Variants in WNT3A observed in about 807,000 individuals in gnomAD.
WNT3A encodes the protein protein Wnt-3a.
In WNT3A, 17 loss-of-function variants were observed where a neutral mutation model predicts 37.0. That is an observed-to-expected ratio of 0.46 (90% CI 0.31 to 0.69). The LOEUF is 0.69. Among genes scored for constraint, WNT3A ranks in the 30% least tolerant of loss-of-function variants. The pLI, the probability that WNT3A is intolerant of heterozygous loss-of-function variation, is 0.05. For missense variants in WNT3A, 411 were observed against 510.2 expected, an observed-to-expected ratio of 0.81 and a Z score of 1.87; for synonymous variants, 187 against 211.0, an observed-to-expected ratio of 0.89 and a Z score of 0.99.
chr1:228,033,248 C>T (rs1401286882), intron 2 of WNT3A, among the ~76,000 whole-genome samples: 2 of 151,952 alleles, frequency 1.3e-5, no homozygotes, highest in Admixed American at 1.3e-4. Context: ...GAGACAATTG[C>T]CTAACCCAAG....
In WNT3A at chr1:228,008,708, C is replaced by T. The variant is rs1473767625; in HGVS notation, c.71+1509C>T. ...CCCCGAGGGCTGCCGGCTTACGCAC[C>T]AGGCTTCTAATTAGAACCCGCCGCC... On this transcript the variant is annotated intron_variant, in intron 1 of 3. Transcript: ENST00000284523. The surrounding 1 kb of genome is among the most constrained non-coding windows in gnomAD (Gnocchi z 4.9). Among the ~76,000 whole-genome samples the T allele has an allele frequency of 6.6e-6, 1 of 152,176 alleles. No individual in the cohort carries two copies. The highest frequency in any genetic ancestry group is 2.4e-5 in the African/African-American group (1 of 41,442).
At chr1:228,010,345 C>T (rs708115) in intron 1 of WNT3A, among the ~76,000 whole-genome samples, 73,878 of 152,092 alleles carry the variant, frequency 0.49, 18,485 homozygotes, top group Middle Eastern at 0.62. Flanking sequence ...CCACCGCCTC[C>T]CCAGGGTCCA....
rs756735683 is a variant in WNT3A at position 228,007,238 on chromosome 1, G to A, written c.71+39G>A. ...CTCGCGTTCGCCCCTGCCCCTGTGCGCCGCGCCCGCAGCAGACGGTCCCCT... is the reference window on the plus strand; with the variant it reads ...CTCGCGTTCGCCCCTGCCCCTGTGCACCGCGCCCGCAGCAGACGGTCCCCT... On this transcript the variant is annotated intron_variant, in intron 1 of 3. Transcript: ENST00000284523. This position sits in a 1 kb window ranked among gnomAD's most constrained non-coding sequence, Gnocchi z 6.0. The A allele has an allele frequency of 3.8e-6, 6 of 1,572,836 alleles. No homozygotes were observed. The Admixed American group carries it at 7.0e-5, about 18-fold the overall frequency.
intron 1 of WNT3A, among the ~76,000 whole-genome samples, chr1:228,012,804 G>A (rs2030413155): frequency 6.6e-6 from 1 of 152,154 alleles, no homozygotes; most frequent in Non-Finnish European, 1.5e-5. Flanking sequence ...ATGAGAGCCT[G>A]TGCCCCAAGT....
intron 2 of WNT3A, among the ~76,000 whole-genome samples, chr1:228,025,960 T>A (rs555897297): frequency 4.4e-4 from 66 of 151,562 alleles, no homozygotes; most frequent in African/African-American, 1.5e-3. Context: ...GGTCTCCCTA[T>A]GTTGCCCAGG....
At position 228,037,830 on chromosome 1, in the gene WNT3A, G is replaced by T. The variant is rs1198792303; in HGVS notation, c.314-12826G>T. ...CACAAGGGGAGAGTGCAAATGCGCG[G>T]GCGGTTCACACGCCCTTCGCGGTGC... On this transcript the variant is annotated intron_variant, in intron 2 of 3. Coordinates refer to ENST00000284523, the MANE Select transcript of WNT3A (RefSeq NM_033131.4). This position sits in a 1 kb window ranked among gnomAD's most constrained non-coding sequence, Gnocchi z 4.1. Among the ~76,000 whole-genome samples the T allele has an allele frequency of 6.6e-6, 1 of 152,230 alleles. No individual in the cohort carries two copies. The highest frequency in any genetic ancestry group is 1.5e-5 in the Non-Finnish European group (1 of 68,032).
At position 228,008,849 on chromosome 1, in the gene WNT3A, A is replaced by C. The variant is rs77283634; in HGVS notation, c.71+1650A>C. ...TGTCTTGTCGGCCCTGAGGGTTCCT[A>C]GCCTCGGTCCCCATCCACCTCATAT... is the stretch of plus-strand genomic sequence containing the variant. On this transcript the variant is annotated intron_variant, in intron 1 of 3. Coordinates refer to ENST00000284523, the MANE Select transcript of WNT3A (RefSeq NM_033131.4). This position sits in a 1 kb window ranked among gnomAD's most constrained non-coding sequence, Gnocchi z 4.9. Among the ~76,000 whole-genome samples, 517 of 152,230 alleles carry C rather than the reference A, an allele frequency of 3.4e-3. 10 individuals carry two copies. Among genetic ancestry groups the C allele is most frequent in the East Asian group, 0.028 (145 of 5,160 alleles).
intron 3 of WNT3A, among the ~76,000 whole-genome samples, chr1:228,054,219 T>G (rs2031619242): frequency 6.6e-6 from 1 of 152,158 alleles, no homozygotes; most frequent in East Asian, 1.9e-4. Context: ...ATTAAGGTAA[T>G]CCCAAATTGC....
At chr1:228,034,017 T>A (rs191211256) in intron 2 of WNT3A, among the ~76,000 whole-genome samples, 1 of 152,280 alleles carries the variant, frequency 6.6e-6, no homozygotes, top group Non-Finnish European at 1.5e-5. Context: ...ATCCCAGCAC[T>A]TTGGGAGGCC....
intron 3 of WNT3A, among the ~76,000 whole-genome samples, chr1:228,055,175 AAAAAATATATAT>A (rs1487627744): frequency 1.7e-5 from 1 of 59,216 alleles, no homozygotes; most frequent in Non-Finnish European, 3.0e-5. Flanking sequence ...AAAAAAAAAA[AAAAAATATATAT>A]ATATATATAT....
In WNT3A at chr1:228,059,054, A is replaced by C; in HGVS notation, c.648A>C (p.Thr216=). 6 of 1,613,608 alleles carry C rather than the reference A, an allele frequency of 3.7e-6. No individual in the cohort carries two copies. The highest frequency in any genetic ancestry group is 5.1e-6 in the Non-Finnish European group (6 of 1,179,956). Residue 216 remains threonine (T), a synonymous_variant, in exon 4 of 4, where the codon ACA becomes ACC. Transcript: ENST00000284523. Reference sequence around the variant, plus strand: ...TGTCGGGCAGCTGCGAGGTGAAGACATGCTGGTGGTCGCAACCCGACTTCC... The same window carrying C: ...TGTCGGGCAGCTGCGAGGTGAAGACCTGCTGGTGGTCGCAACCCGACTTCC... ...HGLSGSCEVK[T]CWWSQPDFRA... is the part of the protein sequence containing the mutation.
intron 3 of WNT3A, among the ~76,000 whole-genome samples, chr1:228,054,627 CAAAAAA>C (rs61497242): frequency 1.7e-5 from 1 of 58,522 alleles, no homozygotes; most frequent in Non-Finnish European, 3.4e-5. Flanking sequence ...GACTCTGTCT[CAAAAAA>C]AAAAAAAAAA....
rs1369176732 is a variant in WNT3A at position 228,059,509 on chromosome 1, G to C, written c.*44G>C. On this transcript the variant is annotated 3_prime_UTR_variant, in exon 4 of 4. Coordinates refer to ENST00000284523, the MANE Select transcript of WNT3A (RefSeq NM_033131.4). ...CCTGGACGGGGCGGGCCCTGCCTGA[G>C]GGTGGGCTTTTCCCTGGGTGGAGCA... 2.7e-6 allele frequency: 4 copies of C among 1,466,398 alleles called. No individual in the cohort carries two copies. In the African/African-American group the frequency reaches 5.7e-5, roughly 21 times the overall value. The allele number at this position is 1,466,398 out of a possible 1,614,324, so 90.8% of individuals were successfully genotyped here.
rs941377166 is a variant in WNT3A, at chr1:228,039,059, G to T, written c.314-11597G>T. Reference sequence around the variant, plus strand: ...GCTGGACTGGCCACCATGGAGTCCTGCCCTCGGCCAGTGCATCCCTGCCAG... The same window carrying T: ...GCTGGACTGGCCACCATGGAGTCCTTCCCTCGGCCAGTGCATCCCTGCCAG... On this transcript the variant is annotated intron_variant, in intron 2 of 3. Coordinates refer to ENST00000284523, the MANE Select transcript of WNT3A (RefSeq NM_033131.4). The surrounding 1 kb of genome is among the most constrained non-coding windows in gnomAD (Gnocchi z 4.1). 6.6e-6 allele frequency among the ~76,000 whole-genome samples: 1 copy of T among 152,160 alleles called. No homozygotes were observed. Among genetic ancestry groups the T allele is most frequent in the Non-Finnish European group, 1.5e-5 (1 of 68,008 alleles).
chr1:228,025,640 G>A (rs1024583044), intron 2 of WNT3A, among the ~76,000 whole-genome samples: 1 of 152,202 alleles, frequency 6.6e-6, no homozygotes, highest in Non-Finnish European at 1.5e-5. Flanking sequence ...ATGAGCCACT[G>A]TGCCCAGCTT....
chr1:228,045,995 C>T (rs2031395014), intron 2 of WNT3A, among the ~76,000 whole-genome samples: 1 of 152,230 alleles, frequency 6.6e-6, no homozygotes, highest in African/African-American at 2.4e-5. Context: ...GCAAATCTTC[C>T]TGGTTGGGGA....
Position 228,042,811 on chromosome 1 carries a change from G to A in WNT3A, c.314-7845G>A, listed in dbSNP as rs2031318198. Among the ~76,000 whole-genome samples the A allele has an allele frequency of 6.6e-6, 1 of 151,996 alleles. No homozygotes were observed. The highest frequency in any genetic ancestry group is 6.6e-5 in the Admixed American group (1 of 15,260). ...GATGGATAGATGTGGATGATGGATG[G>A]ATGGATAATGGATGATGGATGGATG... On this transcript the variant is annotated intron_variant, in intron 2 of 3. Coordinates refer to ENST00000284523, the MANE Select transcript of WNT3A (RefSeq NM_033131.4). This position sits in a 1 kb window ranked among gnomAD's most constrained non-coding sequence, Gnocchi z 5.2.
intron 3 of WNT3A, among the ~76,000 whole-genome samples, chr1:228,057,910 C>T (rs1417167897): frequency 2.0e-5 from 3 of 152,140 alleles, no homozygotes; most frequent in African/African-American, 7.2e-5. Context: ...GCGCAATCTC[C>T]GCTCACTGCT....
chr1:228,015,111 T>C lies in WNT3A; in HGVS notation c.72-7556T>C, dbSNP rs1030218186. On this transcript the variant is annotated intron_variant, in intron 1 of 3. Coordinates refer to ENST00000284523, the MANE Select transcript of WNT3A (RefSeq NM_033131.4). ...ATCAACTTTTTCAACTTTTTGTTTTTCTAAGGATAGAAACAGTTTGTGTTC... is the reference window on the plus strand; with the variant it reads ...ATCAACTTTTTCAACTTTTTGTTTTCCTAAGGATAGAAACAGTTTGTGTTC... 1.3e-5 allele frequency among the ~76,000 whole-genome samples: 2 copies of C among 152,254 alleles called. 1 individual carries two copies. The highest frequency in any genetic ancestry group is 3.8e-4 in the East Asian group (2 of 5,208).
Sources: allele counts gnomAD v4.1 joint callset (sites outside exome capture counted in the v4.1 genomes callset), GRCh38; gene constraint gnomAD v4.1.1; non-coding constraint Gnocchi (gnomAD v3.1); transcripts MANE v1.5; gene names NCBI Gene and HGNC (gene_info 2026-07-23, HGNC 2026-07-21).